The following HDAC9 variants were observed in gnomAD, a reference collection of about 807,000 sequenced individuals.
The protein encoded by HDAC9 is MEF-2 interacting transcription repressor (MITR) protein.
In HDAC9, 41 loss-of-function variants were observed where a neutral mutation model predicts 139.4. The observed-to-expected ratio is 0.29, with a 90% CI of 0.23 to 0.38. HDAC9 has a LOEUF of 0.38. Ranked by LOEUF, HDAC9 falls within the 10% of genes least tolerant of loss-of-function variation. The pLI, the probability that HDAC9 is intolerant of heterozygous loss-of-function variation, is 1.00. For synonymous variants in HDAC9, 517 were observed against 476.2 expected, an observed-to-expected ratio of 1.09 and a Z score of -1.12; for missense variants, 1,147 against 1,297.0, an observed-to-expected ratio of 0.88 and a Z score of 1.78.
intron 6 of HDAC9, among the ~76,000 whole-genome samples, chr7:18,612,682 TA>T (rs1370316190): frequency 1.6e-4 from 24 of 152,090 alleles, no homozygotes; most frequent in African/African-American, 5.3e-4. Flanking sequence ...TTCCATTGTT[TA>T]AAATAAGTAA....
intron 2 of HDAC9, among the ~76,000 whole-genome samples, chr7:18,278,550 A>G (rs1166545615): frequency 2.6e-5 from 4 of 152,224 alleles, no homozygotes; most frequent in Non-Finnish European, 5.9e-5. Context: ...ACTTTTCCCT[A>G]GAACTTCTGT....
chr7:18,733,088 T>A (rs1175919236), intron 13 of HDAC9, among the ~76,000 whole-genome samples: 1 of 145,870 alleles, frequency 6.9e-6, no homozygotes, highest in Admixed American at 6.8e-5. Flanking sequence ...TATACACATA[T>A]ATACATGTGT....
intron 12 of HDAC9, among the ~76,000 whole-genome samples, chr7:18,687,176 G>T (rs1446833851): frequency 6.6e-6 from 1 of 151,708 alleles, no homozygotes; most frequent in Non-Finnish European, 1.5e-5. Context: ...GCTTCTTAAT[G>T]TTATTTCTGT....
chr7:18,578,374 A>C (rs898367383), intron 2 of HDAC9, among the ~76,000 whole-genome samples: 3 of 152,160 alleles, frequency 2.0e-5, no homozygotes, highest in Non-Finnish European at 4.4e-5. Flanking sequence ...CCCCAGGTGG[A>C]TTTTGGGCCA....
intron 1 of HDAC9, among the ~76,000 whole-genome samples, chr7:18,445,490 A>C (rs902791428): frequency 6.6e-6 from 1 of 152,218 alleles, no homozygotes; most frequent in Non-Finnish European, 1.5e-5. Flanking sequence ...ATGCTGAAAT[A>C]TGTAGGGGCT....
chr7:18,203,843 A>G (rs1228090522), intron 2 of HDAC9, among the ~76,000 whole-genome samples: 4 of 152,226 alleles, frequency 2.6e-5, no homozygotes, highest in African/African-American at 9.6e-5. Flanking sequence ...GTGGCAGAAC[A>G]AATTTTCTCC....
chr7:18,683,175 A>C (rs1392030536), intron 12 of HDAC9, among the ~76,000 whole-genome samples: 1 of 152,070 alleles, frequency 6.6e-6, no homozygotes, highest in Non-Finnish European at 1.5e-5. Context: ...AGAGATTTAG[A>C]AACAGCAAGG....
At chr7:18,735,667 A>G (rs920253837) in intron 13 of HDAC9, among the ~76,000 whole-genome samples, 1 of 152,148 alleles carries the variant, frequency 6.6e-6, no homozygotes. Context: ...GTCAGGTAGC[A>G]TCATGCCTCC....
chr7:18,447,464 TGTGGA>T (rs1166129115), intron 1 of HDAC9, among the ~76,000 whole-genome samples: 3 of 152,218 alleles, frequency 2.0e-5, no homozygotes, highest in Non-Finnish European at 4.4e-5. Flanking sequence ...ATTATATTGT[TGTGGA>T]GCCATTTGTA....
At chr7:18,800,367 T>G (rs1288937048) in intron 17 of HDAC9, among the ~76,000 whole-genome samples, 2 of 152,202 alleles carry the variant, frequency 1.3e-5, no homozygotes, top group Non-Finnish European at 2.9e-5. Flanking sequence ...AATGTATAGT[T>G]TAAACTCACC....
intron 22 of HDAC9, among the ~76,000 whole-genome samples, chr7:18,917,174 A>G (rs979698013): frequency 1.3e-5 from 2 of 152,034 alleles, no homozygotes; most frequent in Non-Finnish European, 2.9e-5. Flanking sequence ...TACTTAGGAA[A>G]GAGCAAGGAG....
At chr7:18,477,954 T>G (rs1465825431) in intron 1 of HDAC9, among the ~76,000 whole-genome samples, 3 of 152,312 alleles carry the variant, frequency 2.0e-5, no homozygotes, top group African/African-American at 7.2e-5. Flanking sequence ...TTTCTATGCT[T>G]GCTTTTCACA....
chr7:18,140,366 A>T (rs1213021534), intron 1 of HDAC9, among the ~76,000 whole-genome samples: 4 of 152,194 alleles, frequency 2.6e-5, no homozygotes, highest in African/African-American at 7.2e-5. Flanking sequence ...AAACATCTGC[A>T]TAAAAGTTAT....
intron 12 of HDAC9, among the ~76,000 whole-genome samples, chr7:18,698,230 A>G (rs1248768680): frequency 6.6e-6 from 1 of 152,116 alleles, no homozygotes; most frequent in African/African-American, 2.4e-5. Flanking sequence ...TTTATTTTTC[A>G]AGTTGAAAGG....
At chr7:18,689,957 C>T (rs1281126870) in intron 12 of HDAC9, among the ~76,000 whole-genome samples, 1 of 151,948 alleles carries the variant, frequency 6.6e-6, no homozygotes, top group Non-Finnish European at 1.5e-5. Context: ...GGTATTCTTC[C>T]ATGGGTAATT....
chr7:18,615,033 A>T (rs1049347683), intron 6 of HDAC9, among the ~76,000 whole-genome samples: 1 of 152,220 alleles, frequency 6.6e-6, no homozygotes, highest in African/African-American at 2.4e-5. Flanking sequence ...TCTCTTCTAA[A>T]GAAAAGGAAA....
intron 22 of HDAC9, among the ~76,000 whole-genome samples, chr7:18,884,793 T>C (rs991251952): frequency 6.6e-6 from 1 of 152,178 alleles, no homozygotes; most frequent in African/African-American, 2.4e-5. Context: ...AAGGAAAGAA[T>C]GCCTTCGACC....
intron 2 of HDAC9, among the ~76,000 whole-genome samples, chr7:18,577,589 A>G (rs1255651920): frequency 6.6e-6 from 1 of 152,140 alleles, no homozygotes; most frequent in Non-Finnish European, 1.5e-5. Flanking sequence ...CCCATTTTAT[A>G]TGTACTTTAT....
chr7:18,920,181 G>A (rs1803569598), intron 22 of HDAC9, among the ~76,000 whole-genome samples: 2 of 152,096 alleles, frequency 1.3e-5, no homozygotes, highest in Admixed American at 6.6e-5. Flanking sequence ...CTTGAAAAGT[G>A]GTTTGTAGTT....
Sources: gnomAD v4.1 joint callset for allele counts (sites outside exome capture counted in the v4.1 genomes callset) on GRCh38, gnomAD v4.1.1 for gene constraint, MANE v1.5 for transcripts, NCBI Gene and HGNC (gene_info 2026-07-23, HGNC 2026-07-21) for gene names.